ADCY5: variants seen among roughly 807,000 people sequenced by gnomAD.
ADCY5 encodes the protein adenylate cyclase type 5.
ADCY5 carries 30 observed loss-of-function variants against 119.7 expected under a neutral mutation model. The observed-to-expected ratio is 0.25, with a 90% CI of 0.19 to 0.34. The LOEUF (loss-of-function observed/expected upper bound fraction) is 0.34, where lower values mean the gene tolerates loss of function less well. ADCY5 is among the 10% of genes least tolerant of loss of function. The pLI is 1.00. For missense variants in ADCY5, 1,324 were observed against 1,775.2 expected (o/e 0.75, Z 4.57); for synonymous variants, 753 against 762.2 (o/e 0.99, Z 0.20).
At chr3:123,406,406 T>C (rs908575378) in intron 1 of ADCY5, among the ~76,000 whole-genome samples, 4 of 152,220 alleles carry the variant, frequency 2.6e-5, no homozygotes, top group Non-Finnish European at 4.4e-5. Context: ...AGTAACAAAC[T>C]ATCTTTTCCA....
Position 123,282,328 on chromosome 3 carries a change from T to A in ADCY5, c.*2280A>T, listed in dbSNP as rs565882366. 2.6e-5 allele frequency: 4 copies of A among 152,254 alleles called. No homozygotes were observed. Among genetic ancestry groups the A allele is most frequent in the Non-Finnish European group, 5.9e-5 (4 of 68,046 alleles). 9.4% of individuals were successfully genotyped at this position (152,254 alleles called of 1,614,324 possible). A position where few individuals can be genotyped will look rare whatever the true frequency, so the allele number is the denominator to read the frequency against. ...TGAAAGTGTTTAATAGTTAAATTAT[T>A]TAAATAGACTTTTCAATTTCCATGG... On this transcript the variant is annotated 3_prime_UTR_variant, in exon 21 of 21. Transcript: ENST00000462833.
At chr3:123,312,946 A>G (rs1298262175) in intron 12 of ADCY5, among the ~76,000 whole-genome samples, 1 of 140,114 alleles carries the variant, frequency 7.1e-6, no homozygotes, top group Non-Finnish European at 1.5e-5. Flanking sequence ...AAAAGGCAGG[A>G]GTGGCTGAAC....
At position 123,389,254 on chromosome 3, in the gene ADCY5, A is replaced by C. The variant is rs143931251; in HGVS notation, c.1135-36673T>G. On this transcript the variant is annotated intron_variant, in intron 1 of 20. Transcript: ENST00000462833. ...GACTGGGAGCTACAGAGAGGACAGC[A>C]GTGAGGGCTCAGATCGGCCACTCTG... Among the ~76,000 whole-genome samples the C allele has an allele frequency of 5.5e-3, 838 of 152,276 alleles. 3 individuals carry two copies. Among genetic ancestry groups the C allele is most frequent in the Admixed American group, 0.012 (190 of 15,300 alleles).
chr3:123,311,112 G>A (rs1285034458), intron 12 of ADCY5, among the ~76,000 whole-genome samples: 1 of 152,242 alleles, frequency 6.6e-6, no homozygotes, highest in East Asian at 1.9e-4. Context: ...AAATGAAATA[G>A]AGAAAGAGAC....
chr3:123,435,328 A>G (rs910440564), intron 1 of ADCY5, among the ~76,000 whole-genome samples: 6 of 152,172 alleles, frequency 3.9e-5, no homozygotes, highest in Non-Finnish European at 8.8e-5. Context: ...CTTGAACTCA[A>G]CTGAGTTTTA....
chr3:123,371,325 A>AT (rs1559843773), intron 1 of ADCY5, among the ~76,000 whole-genome samples: 1 of 152,260 alleles, frequency 6.6e-6, no homozygotes, highest in African/African-American at 2.4e-5. Flanking sequence ...CTGTGTAAAG[A>AT]TTAAGATGAT....
chr3:123,391,734 C>G (rs55968914), intron 1 of ADCY5, among the ~76,000 whole-genome samples: 32,657 of 152,234 alleles, frequency 0.21, 3,613 homozygotes, highest in Middle Eastern at 0.28. Context: ...GGCCCTGCAA[C>G]TTTAGTCTAA....
chr3:123,284,067 G>T lies in ADCY5; in HGVS notation c.*541C>A, dbSNP rs1938567365. The T allele has an allele frequency of 6.5e-6, 1 of 153,238 alleles. No individual in the cohort carries two copies. The highest frequency in any genetic ancestry group is 1.5e-5 in the Non-Finnish European group (1 of 68,776). 9.5% of individuals were successfully genotyped at this position (153,238 alleles called of 1,614,324 possible). Reference sequence around the variant, plus strand: ...GCACTGTCTGTGTGCGTGGAGGTGTGGGCAGAGGACCACGATGAAGGCCAC... The same window carrying T: ...GCACTGTCTGTGTGCGTGGAGGTGTTGGCAGAGGACCACGATGAAGGCCAC... On this transcript the variant is annotated 3_prime_UTR_variant, in exon 21 of 21. Coordinates refer to ENST00000462833, the MANE Select transcript of ADCY5 (RefSeq NM_183357.3).
intron 8 of ADCY5, among the ~76,000 whole-genome samples, chr3:123,321,482 T>C (rs1314052428): frequency 2.6e-5 from 4 of 152,156 alleles, no homozygotes; most frequent in African/African-American, 9.7e-5. Context: ...GGGAGAGATG[T>C]GTGTCGGGGT....
intron 1 of ADCY5, among the ~76,000 whole-genome samples, chr3:123,406,809 C>A (rs1453141155): frequency 1.3e-5 from 2 of 152,162 alleles, no homozygotes; most frequent in East Asian, 3.9e-4. Context: ...GCCCTCTCAA[C>A]AGTGCCTGGG....
intron 5 of ADCY5, among the ~76,000 whole-genome samples, chr3:123,330,422 C>T (rs561246755): frequency 1.3e-4 from 20 of 152,232 alleles, no homozygotes; most frequent in Admixed American, 3.3e-4. Flanking sequence ...TCTCTCTAAG[C>T]GGAACACCTG....
At chr3:123,408,640 A>T (rs1268381970) in intron 1 of ADCY5, among the ~76,000 whole-genome samples, 1 of 145,814 alleles carries the variant, frequency 6.9e-6, no homozygotes. Context: ...TGGGCGACAG[A>T]GCAAGATTGC....
chr3:123,332,936 T>G (rs1486916662), intron 3 of ADCY5, among the ~76,000 whole-genome samples: 8 of 151,498 alleles, frequency 5.3e-5, no homozygotes, highest in African/African-American at 1.7e-4. Context: ...TTTTTTTTTT[T>G]TGGGTAGAGA....
chr3:123,417,472 T>C lies in ADCY5; in HGVS notation c.1134+29940A>G, dbSNP rs370280544. On this transcript the variant is annotated intron_variant, in intron 1 of 20. Transcript: ENST00000462833. ...CCTTAAGCCCTTGCCCCCAGAACTC[T>C]GTAACTGAACAGATATTTGCACAGG... Among the ~76,000 whole-genome samples the C allele has an allele frequency of 6.6e-5, 10 of 152,396 alleles. No individual in the cohort carries two copies. In the East Asian group the frequency reaches 1.2e-3, roughly 18 times the overall value.
intron 1 of ADCY5, among the ~76,000 whole-genome samples, chr3:123,398,891 TG>T (rs1444447003): frequency 2.0e-5 from 3 of 152,256 alleles, no homozygotes; most frequent in Non-Finnish European, 2.9e-5. Context: ...TTTCTGCCTG[TG>T]GGTTCCAAAT....
At chr3:123,348,035 C>CTGTGTG in intron 2 of ADCY5, 132 bp from the exon 3 acceptor site, 1 of 448,238 alleles carries the variant, frequency 2.2e-6, no homozygotes, top group African/African-American at 6.7e-5. Context: ...CCTGGGTTAA[C>CTGTGTG]AGTGTGTGTG....
At chr3:123,339,459 C>T (rs1036889667) in intron 3 of ADCY5, among the ~76,000 whole-genome samples, 13 of 152,188 alleles carry the variant, frequency 8.5e-5, no homozygotes, top group Non-Finnish European at 1.8e-4. Flanking sequence ...GCCACAGGCC[C>T]ATCCAGGGGC....
chr3:123,410,109 G>A (rs1383385937), intron 1 of ADCY5, among the ~76,000 whole-genome samples: 5 of 152,172 alleles, frequency 3.3e-5, no homozygotes, highest in Non-Finnish European at 1.5e-5. Flanking sequence ...GCTGGATCCG[G>A]TCAACCCAGT....
At chr3:123,363,765 C>T (rs1477909805) in intron 1 of ADCY5, among the ~76,000 whole-genome samples, 1 of 152,014 alleles carries the variant, frequency 6.6e-6, no homozygotes, top group Non-Finnish European at 1.5e-5. Flanking sequence ...AAAAATTAGC[C>T]GGGCATGGTG....
Sources: allele counts gnomAD v4.1 joint callset (sites outside exome capture counted in the v4.1 genomes callset), GRCh38; gene constraint gnomAD v4.1.1; transcripts MANE v1.5; gene names NCBI Gene and HGNC (gene_info 2026-07-23, HGNC 2026-07-21).